ZNF248: variants seen among roughly 807,000 people sequenced by gnomAD.
ZNF248 encodes the protein zinc finger protein 248.
Under a neutral mutation model 44.3 loss-of-function variants are expected in ZNF248, and 20 were observed. The ratio of observed to expected loss-of-function variants is 0.45; its 90% confidence interval spans 0.32 to 0.66. ZNF248 has a LOEUF of 0.66. ZNF248 is among the 30% of genes least tolerant of loss of function. The probability of loss-of-function intolerance (pLI) is 0.04; values close to 1 mark genes in which losing one functional copy is unlikely to be tolerated. For synonymous variants in ZNF248, 224 were observed against 229.0 expected (o/e 0.98, Z 0.20); for missense variants, 654 against 677.0 (o/e 0.97, Z 0.38).
chr10:37,783,799 C>T (rs1253725405), intron 6 of ZNF248: 1 of 152,208 alleles, frequency 6.6e-6, no homozygotes, highest in Non-Finnish European at 1.5e-5. Context: ...TAGCTAGTCC[C>T]TTAATATTCC....
At chr10:37,814,231 T>C (rs2133460405) in intron 6 of ZNF248, among the ~76,000 whole-genome samples, 1 of 152,278 alleles carries the variant, frequency 6.6e-6, no homozygotes, top group East Asian at 1.9e-4. Flanking sequence ...ACACTATAAA[T>C]TAAATTTATA....
intron 3 of ZNF248, 95 bp from the exon 4 acceptor site, chr10:37,838,206 T>C (rs2086585269): frequency 1.6e-6 from 2 of 1,224,034 alleles, no homozygotes; most frequent in Non-Finnish European, 2.2e-6. Flanking sequence ...TACTAAAAAA[T>C]GACAGGTTAC....
intron 6 of ZNF248, chr10:37,820,454 A>C: frequency 6.3e-7 from 1 of 1,588,772 alleles, no homozygotes. Context: ...GCTGCCATCT[A>C]AACCACAGAG....
intron 1 of ZNF248, chr10:37,856,829 T>C (rs969961540): frequency 1.0e-5 from 6 of 573,186 alleles, no homozygotes; most frequent in Non-Finnish European, 1.3e-5. Context: ...AGTAACAAAA[T>C]GGGCAGCAGT....
At chr10:37,821,100 T>C in intron 6 of ZNF248, 1 of 575,774 alleles carries the variant, frequency 1.7e-6, no homozygotes, top group Non-Finnish European at 3.0e-6. Context: ...GTCCTCATGC[T>C]GCCATTGTGG....
At chr10:37,841,396 C>T (rs2058320804) in intron 3 of ZNF248, among the ~76,000 whole-genome samples, 1 of 150,884 alleles carries the variant, frequency 6.6e-6, no homozygotes, top group Non-Finnish European at 1.5e-5. Flanking sequence ...GAGTAAATTT[C>T]TCTGACCACT....
In ZNF248 at chr10:37,832,410, A is replaced by G; in HGVS notation, c.945T>C (p.His315=). 1 of 1,613,946 alleles carries G rather than the reference A, an allele frequency of 6.2e-7. No homozygotes were observed. The highest frequency in any genetic ancestry group is 8.5e-7 in the Non-Finnish European group (1 of 1,179,940). The change falls in exon 6 of 6, where the codon CAT becomes CAC. Residue 315 remains histidine, a synonymous_variant. Transcript: ENST00000395867. ...GAATCTTTCTTGTGTAAGCTCCCTG[A>G]TGGATAATGAAAGCTGAATTGTCAC... ...IFCDNSAFII[H]QGAYTRKILR...
chr10:37,818,382 A>G (rs939742423), intron 6 of ZNF248, among the ~76,000 whole-genome samples: 1 of 152,170 alleles, frequency 6.6e-6, no homozygotes, highest in African/African-American at 2.4e-5. Context: ...CCAGAACCTC[A>G]TGCCGGGCCT....
intron 3 of ZNF248, among the ~76,000 whole-genome samples, chr10:37,847,316 T>C (rs1243479317): frequency 6.6e-6 from 1 of 152,204 alleles, no homozygotes; most frequent in African/African-American, 2.4e-5. Context: ...ATACATATTT[T>C]GTGGCTATAG....
In ZNF248 at chr10:37,832,774, T is replaced by C. The variant is rs370669804; in HGVS notation, c.581A>G (p.Gln194Arg). The change falls in exon 6 of 6, where the codon CAA (glutamine) becomes CGA (arginine). Residue 194 changes from glutamine to arginine, a missense_variant. Transcript: ENST00000395867. ...GTGATAATTAATGGCATTCCTTTTT[T>C]GATCATATTTATAAGACTTCTCTCC... ...PIGEKSYKYD[Q>R]KRNAINYHQD... 7 of 1,613,640 alleles carry C rather than the reference T, an allele frequency of 4.3e-6. No individual in the cohort carries two copies. In the African/African-American group the frequency reaches 6.7e-5, roughly 15 times the overall value.
chr10:37,823,003 G>A (rs2053721605), intron 6 of ZNF248, among the ~76,000 whole-genome samples: 1 of 152,120 alleles, frequency 6.6e-6, no homozygotes, highest in South Asian at 2.1e-4. Flanking sequence ...CAGGCTATGT[G>A]AAGGAAACTA....
chr10:37,785,877 G>A (rs2047824471), intron 6 of ZNF248, among the ~76,000 whole-genome samples: 1 of 152,228 alleles, frequency 6.6e-6, no homozygotes, highest in South Asian at 2.1e-4. Flanking sequence ...TGGAGCCAAG[G>A]AGGTCTTGTA....
At position 37,832,472 on chromosome 10, in the gene ZNF248, T is replaced by G; in HGVS notation, c.883A>C (p.Asn295His). The change falls in exon 6 of 6, where the codon AAT becomes CAT. Residue 295 changes from asparagine to histidine, a missense_variant. Physicochemically the swap from Asn to His is moderately conservative, Grantham distance 68. Coordinates refer to ENST00000395867, the MANE Select transcript of ZNF248 (RefSeq NM_021045.3). ...CCATATTCATTATATTCATAAGGAT[T>G]GTCCTTTGTAAGAGCTCTCTGATGT... ...FGHQRALTKD[N>H]PYEYNEYGEI... The G allele has an allele frequency of 6.2e-7, 1 of 1,613,980 alleles. No homozygotes were observed. The highest frequency in any genetic ancestry group is 2.2e-5 in the East Asian group (1 of 44,874).
chr10:37,850,202 AACTCTCTTTG>A, intron 3 of ZNF248, among the ~76,000 whole-genome samples: 1 of 152,242 alleles, frequency 6.6e-6, no homozygotes, highest in Non-Finnish European at 1.5e-5. Context: ...AAACTGTACC[AACTCTCTTTG>A]AACAGCGTTT....
intron 3 of ZNF248, among the ~76,000 whole-genome samples, chr10:37,855,622 G>A (rs138796874): frequency 2.5e-4 from 38 of 152,314 alleles, no homozygotes; most frequent in Middle Eastern, 3.4e-3. Flanking sequence ...CACCAACAGA[G>A]GAGACTCTCC....
At chr10:37,834,788 T>C (rs2056756362) in intron 5 of ZNF248, among the ~76,000 whole-genome samples, 1 of 152,064 alleles carries the variant, frequency 6.6e-6, no homozygotes, top group Non-Finnish European at 1.5e-5. Flanking sequence ...ATGAATTACC[T>C]GAAAAAAGGC....
At chr10:37,825,358 T>C (rs1236042722), downstream of ZNF248, among the ~76,000 whole-genome samples, 1 of 152,116 alleles carries the variant, frequency 6.6e-6, no homozygotes, top group African/African-American at 2.4e-5. Context: ...TATTTTATCA[T>C]GTTATATTAG....
At chr10:37,810,943 A>C (rs1284375022) in intron 6 of ZNF248, among the ~76,000 whole-genome samples, 2 of 152,198 alleles carry the variant, frequency 1.3e-5, no homozygotes, top group Non-Finnish European at 2.9e-5. Context: ...AAAGCTAATC[A>C]TCTTTGTGTG....
chr10:37,819,059 T>C, intron 6 of ZNF248: 2 of 798,852 alleles, frequency 2.5e-6, no homozygotes, highest in Non-Finnish European at 4.5e-6. Flanking sequence ...GCTATCATCA[T>C]CCATGATCTT....
Sources: allele counts gnomAD v4.1 joint callset (sites outside exome capture counted in the v4.1 genomes callset), GRCh38; gene constraint gnomAD v4.1.1; transcripts MANE v1.5; gene names NCBI Gene and HGNC (gene_info 2026-07-23, HGNC 2026-07-21).